The following ECT2L variants were observed in gnomAD, a reference collection of about 807,000 sequenced individuals.
ECT2L encodes epithelial cell transforming 2 like, also known as epithelial cell-transforming sequence 2 oncogene-like.
ECT2L carries 126 observed loss-of-function variants against 122.8 expected under a neutral mutation model. The ratio of observed to expected loss-of-function variants is 1.03; its 90% confidence interval spans 0.89 to 1.19. The LOEUF is 1.19. ECT2L is among the 50% of genes most tolerant of loss of function. ECT2L has a pLI of 0.00. For synonymous variants in ECT2L, 385 were observed against 381.8 expected (o/e 1.01, Z -0.10); for missense variants, 1,012 against 1,064.1 (o/e 0.95, Z 0.68).
intron 4 of ECT2L, among the ~76,000 whole-genome samples, chr6:138,835,068 C>T (rs76152970): frequency 0.019 from 2,884 of 151,988 alleles, 37 homozygotes; most frequent in Non-Finnish European, 0.028. Context: ...GACTTAAGGC[C>T]AGGGGAGGAA....
intron 1 of ECT2L, among the ~76,000 whole-genome samples, chr6:138,804,117 G>A (rs1775635443): frequency 6.6e-6 from 1 of 152,214 alleles, no homozygotes; most frequent in Non-Finnish European, 1.5e-5. Context: ...GAGCTGTGGA[G>A]TGATTTTTTT....
rs774419329 is a variant in ECT2L at position 138,881,189 on chromosome 6, A to T, written c.1880+18A>T. The T allele has an allele frequency of 1.9e-6, 3 of 1,603,222 alleles. No homozygotes were observed. Among genetic ancestry groups the T allele is most frequent in the African/African-American group, 2.7e-5 (2 of 74,318 alleles). On this transcript the variant is annotated intron_variant, in intron 15 of 21. Coordinates refer to ENST00000541398, the MANE Select transcript of ECT2L (RefSeq NM_001077706.3). ...CTCAACAGGTAAACCCTGAATATGT[A>T]TTTTTTTTAATATTCATTGTGCACT...
chr6:138,807,026 T>G (rs1775735482), intron 1 of ECT2L, among the ~76,000 whole-genome samples: 1 of 152,142 alleles, frequency 6.6e-6, no homozygotes, highest in Admixed American at 6.5e-5. Context: ...AAGTGGATCA[T>G]GACAAAGGTC....
At chr6:138,858,670 T>C (rs1777706597) in intron 10 of ECT2L, among the ~76,000 whole-genome samples, 2 of 149,428 alleles carry the variant, frequency 1.3e-5, no homozygotes, top group African/African-American at 4.9e-5. Flanking sequence ...CTTTCACATA[T>C]ATTAGTTTTC....
At chr6:138,878,237 A>C (rs377059041) in intron 14 of ECT2L, among the ~76,000 whole-genome samples, 1 of 152,106 alleles carries the variant, frequency 6.6e-6, no homozygotes, top group Non-Finnish European at 1.5e-5. Flanking sequence ...TTGTGTTACA[A>C]TGATAAATGA....
chr6:138,811,898 A>G (rs1246718964), intron 1 of ECT2L, among the ~76,000 whole-genome samples: 1 of 152,094 alleles, frequency 6.6e-6, no homozygotes, highest in Non-Finnish European at 1.5e-5. Context: ...CATGTTGGCC[A>G]GGCTGGTCTC....
At chr6:138,836,298 T>A (rs1287158550) in intron 4 of ECT2L, among the ~76,000 whole-genome samples, 1 of 151,002 alleles carries the variant, frequency 6.6e-6, no homozygotes, top group Admixed American at 6.6e-5. Flanking sequence ...TCTTTTTTTT[T>A]TTTTTTTTTG....
At chr6:138,846,037 C>T (rs1777209652) in intron 7 of ECT2L, among the ~76,000 whole-genome samples, 1 of 152,080 alleles carries the variant, frequency 6.6e-6, no homozygotes, top group Non-Finnish European at 1.5e-5. Flanking sequence ...CACAACTGCA[C>T]TCCAGCCTGA....
intron 10 of ECT2L, among the ~76,000 whole-genome samples, chr6:138,860,671 A>T (rs951724988): frequency 1.3e-5 from 2 of 151,650 alleles, no homozygotes; most frequent in Non-Finnish European, 2.9e-5. Context: ...GCTGAATTAA[A>T]TAATTCAATC....
At chr6:138,824,348 C>T (rs990647658) in intron 4 of ECT2L, among the ~76,000 whole-genome samples, 1 of 151,156 alleles carries the variant, frequency 6.6e-6, no homozygotes, top group African/African-American at 2.4e-5. Flanking sequence ...CCATCTAAAA[C>T]AGATTATTAA....
chr6:138,898,537 G>A lies in ECT2L; in HGVS notation c.2415-2411G>A, dbSNP rs558105758. On this transcript the variant is annotated intron_variant, in intron 20 of 21. Coordinates refer to ENST00000541398, the MANE Select transcript of ECT2L (RefSeq NM_001077706.3). ...GCATAGCTGTAACTAATAAATGACT[G>A]AAGTGCCTTGCTCCTTGAAGTGTGG... Among the ~76,000 whole-genome samples, 19 of 152,284 alleles carry A rather than the reference G, an allele frequency of 1.2e-4. No individual in the cohort carries two copies. The South Asian group carries it at 3.9e-3, about 32-fold the overall frequency.
intron 13 of ECT2L, among the ~76,000 whole-genome samples, chr6:138,868,692 G>A (rs989727071): frequency 2.0e-5 from 3 of 152,110 alleles, no homozygotes; most frequent in Non-Finnish European, 4.4e-5. Flanking sequence ...CTGGGGATGG[G>A]TGTAGGAGAA....
chr6:138,867,456 C>CTTGAGGCCAGGAGT (rs1189135525), intron 12 of ECT2L, among the ~76,000 whole-genome samples: 2 of 151,978 alleles, frequency 1.3e-5, no homozygotes, highest in Non-Finnish European at 2.9e-5. Context: ...GGGCAGATTG[C>CTTGAGGCCAGGAGT]TTGAGGCCAG....
chr6:138,854,001 T>C (rs779131533), intron 9 of ECT2L, 25 bp from the exon 10 acceptor site: 8 of 1,609,020 alleles, frequency 5.0e-6, no homozygotes, highest in South Asian at 1.1e-5. Context: ...CAAGCTAATA[T>C]GACATTTTGA....
intron 19 of ECT2L, 152 bp downstream of exon 19, chr6:138,887,074 T>G (rs1352596629): frequency 2.9e-6 from 2 of 683,502 alleles, no homozygotes; most frequent in Non-Finnish European, 5.1e-6. Flanking sequence ...TTCACATCCT[T>G]GTTACCTGCA....
At chr6:138,814,009 T>G (rs1245719558) in intron 3 of ECT2L, among the ~76,000 whole-genome samples, 1 of 152,218 alleles carries the variant, frequency 6.6e-6, no homozygotes, top group Non-Finnish European at 1.5e-5. Flanking sequence ...CTGTTGGCTA[T>G]TTAGCGATAC....
chr6:138,834,537 C>G (rs1776755819), intron 4 of ECT2L, among the ~76,000 whole-genome samples: 1 of 152,102 alleles, frequency 6.6e-6, no homozygotes, highest in Non-Finnish European at 1.5e-5. Context: ...AGGTAGTAGA[C>G]ATGAAAATCT....
At chr6:138,852,053 C>T (rs1331681221) in intron 9 of ECT2L, among the ~76,000 whole-genome samples, 1 of 152,092 alleles carries the variant, frequency 6.6e-6, no homozygotes, top group Non-Finnish European at 1.5e-5. Flanking sequence ...CTGAGGTAGG[C>T]GGCTCTCTTG....
intron 13 of ECT2L, among the ~76,000 whole-genome samples, chr6:138,872,351 AG>A (rs1778286632): frequency 6.6e-6 from 1 of 152,240 alleles, no homozygotes; most frequent in Non-Finnish European, 1.5e-5. Context: ...TCCTGGGACT[AG>A]ACAGCAAAGT....
Sources: gnomAD v4.1 joint callset for allele counts (sites outside exome capture counted in the v4.1 genomes callset) on GRCh38, gnomAD v4.1.1 for gene constraint, MANE v1.5 for transcripts, NCBI Gene and HGNC (gene_info 2026-07-23, HGNC 2026-07-21) for gene names.